CC2D2A: variants seen among roughly 807,000 people sequenced by gnomAD.
CC2D2A encodes coiled-coil and C2 domain containing 2A.
A neutral mutation model predicts 212.9 loss-of-function variants in CC2D2A; 155 were observed. The observed-to-expected ratio is 0.73, with a 90% CI of 0.64 to 0.83. CC2D2A has a LOEUF of 0.83. Ranked by LOEUF, CC2D2A falls within the 40% of genes least tolerant of loss-of-function variation. The pLI is 0.00. For synonymous variants in CC2D2A, 667 were observed against 686.5 expected, an observed-to-expected ratio of 0.97 and a Z score of 0.44; for missense variants, 1,856 against 1,956.2, an observed-to-expected ratio of 0.95 and a Z score of 0.97.
chr4:15,568,434 G>A (rs989006058), intron 26 of CC2D2A, among the ~76,000 whole-genome samples: 1 of 152,182 alleles, frequency 6.6e-6, no homozygotes, highest in Admixed American at 6.5e-5. Flanking sequence ...AGGCCAAGGC[G>A]GGCAGATCAC....
chr4:15,567,339 C>T (rs750756870), intron 24 of CC2D2A, 38 bp from the exon 25 acceptor site: 9 of 1,416,076 alleles, frequency 6.4e-6, no homozygotes, highest in African/African-American at 5.6e-5. Flanking sequence ...ATTAGACTTC[C>T]TCTATCATTA....
intron 4 of CC2D2A, among the ~76,000 whole-genome samples, chr4:15,493,291 C>G (rs1560148773): frequency 6.8e-6 from 1 of 147,608 alleles, no homozygotes; most frequent in Non-Finnish European, 1.5e-5. Context: ...CTTACTGAGA[C>G]AAGGTCTGGC....
intron 4 of CC2D2A, among the ~76,000 whole-genome samples, chr4:15,485,919 T>C (rs1714973169): frequency 6.6e-6 from 1 of 152,176 alleles, no homozygotes; most frequent in African/African-American, 2.4e-5. Context: ...TCTACTGAAC[T>C]GATCATGTCC....
At chr4:15,530,952 G>A (rs2109027604) in intron 13 of CC2D2A, among the ~76,000 whole-genome samples, 1 of 152,298 alleles carries the variant, frequency 6.6e-6, no homozygotes. Context: ...GGATGTAGAA[G>A]GAAGAAAACA....
intron 28 of CC2D2A, among the ~76,000 whole-genome samples, chr4:15,571,086 A>AT (rs1319394078): frequency 6.6e-6 from 1 of 152,186 alleles, no homozygotes; most frequent in Non-Finnish European, 1.5e-5. Flanking sequence ...AAATCTGATA[A>AT]TTTTTTAAAT....
Position 15,587,887 on chromosome 4 carries a change from G to C in CC2D2A, c.4137G>C (p.Leu1379=). Residue 1379 remains leucine (L), a synonymous_variant, in exon 32 of 37, where the codon CTG becomes CTC. Coordinates refer to ENST00000424120, the MANE Select transcript of CC2D2A (RefSeq NM_001378615.1). ...TATTGTGTAATTACTTTCTGTCTCT[G>C]GGTAAGAAGGCCTGGCTGTTGATGG... ...AVLLCNYFLS[L]GKKAWLLMGN... 1 of 1,613,274 alleles carries C rather than the reference G, an allele frequency of 6.2e-7. No homozygotes were observed. The highest frequency in any genetic ancestry group is 8.5e-7 in the Non-Finnish European group (1 of 1,179,370).
At chr4:15,493,967 A>C (rs907133609) in intron 4 of CC2D2A, among the ~76,000 whole-genome samples, 2 of 152,082 alleles carry the variant, frequency 1.3e-5, no homozygotes, top group Non-Finnish European at 2.9e-5. Flanking sequence ...AAATTCATGA[A>C]GCTCGTTCTG....
chr4:15,571,425 T>A (rs575927819), intron 28 of CC2D2A, among the ~76,000 whole-genome samples: 1 of 152,262 alleles, frequency 6.6e-6, no homozygotes, highest in African/African-American at 2.4e-5. Context: ...CAGTATTAAG[T>A]CTATGGCAAC....
At chr4:15,515,814 T>A in intron 9 of CC2D2A, 54 bp from the exon 10 acceptor site, 1 of 1,474,790 alleles carries the variant, frequency 6.8e-7, no homozygotes, top group South Asian at 1.3e-5. Context: ...AACTGCAGTT[T>A]GAGATATTTA....
chr4:15,581,326 G>C (rs1022577974), intron 30 of CC2D2A, among the ~76,000 whole-genome samples: 1 of 152,204 alleles, frequency 6.6e-6, no homozygotes, highest in Non-Finnish European at 1.5e-5. Context: ...GAACACTTAA[G>C]AGTGATGAAT....
chr4:15,508,041 G>T (rs957748006), intron 6 of CC2D2A, among the ~76,000 whole-genome samples: 13 of 152,126 alleles, frequency 8.5e-5, no homozygotes, highest in Admixed American at 2.0e-4. Context: ...AGAACTTGAG[G>T]CTTCTTCTTC....
chr4:15,493,986 C>A (rs929128256), intron 4 of CC2D2A, among the ~76,000 whole-genome samples: 3 of 152,232 alleles, frequency 2.0e-5, no homozygotes, highest in African/African-American at 7.2e-5. Context: ...TGAGACTACA[C>A]ACACTTAACC....
chr4:15,484,110 AT>A (rs1470557460), intron 4 of CC2D2A, among the ~76,000 whole-genome samples: 40 of 152,260 alleles, frequency 2.6e-4, no homozygotes, highest in African/African-American at 8.7e-4. Context: ...CTAGATAAAC[AT>A]AGAGTACAGC....
chr4:15,477,459 T>A (rs1400297882), intron 2 of CC2D2A, among the ~76,000 whole-genome samples: 1 of 152,226 alleles, frequency 6.6e-6, no homozygotes, highest in Non-Finnish European at 1.5e-5. Context: ...ACTTACGTTC[T>A]ATCTTATTTG....
chr4:15,544,976 G>A (rs1401727905), intron 17 of CC2D2A, among the ~76,000 whole-genome samples: 1 of 152,166 alleles, frequency 6.6e-6, no homozygotes, highest in Admixed American at 6.6e-5. Flanking sequence ...TAAATTAAGG[G>A]AGTTTTGACT....
intron 4 of CC2D2A, 142 bp downstream of exon 4, chr4:15,480,969 G>A: frequency 1.1e-6 from 1 of 921,018 alleles, no homozygotes; most frequent in Admixed American, 2.8e-5. Context: ...AACTTGGTGA[G>A]TGACTCTAGG....
intron 1 of CC2D2A, among the ~76,000 whole-genome samples, chr4:15,472,803 A>AT (rs1713924918): frequency 1.3e-5 from 2 of 151,804 alleles, no homozygotes; most frequent in South Asian, 4.2e-4. Context: ...TCCTTCCTCT[A>AT]TTTTTTGTAC....
chr4:15,493,625 T>C (rs958386659), intron 4 of CC2D2A, among the ~76,000 whole-genome samples: 3 of 152,168 alleles, frequency 2.0e-5, no homozygotes, highest in Non-Finnish European at 4.4e-5. Context: ...CCTTATCCCC[T>C]GATCCTGTGT....
chr4:15,492,408 T>C (rs1577321655), intron 4 of CC2D2A, among the ~76,000 whole-genome samples: 1 of 150,846 alleles, frequency 6.6e-6, no homozygotes. Flanking sequence ...ACAGCCAGAG[T>C]GGTCCTATGA....
Sources: gnomAD v4.1 joint callset for allele counts (sites outside exome capture counted in the v4.1 genomes callset) on GRCh38, gnomAD v4.1.1 for gene constraint, MANE v1.5 for transcripts, NCBI Gene and HGNC (gene_info 2026-07-23, HGNC 2026-07-21) for gene names.